Variants in DMD observed in about 807,000 individuals in gnomAD.
DMD encodes the protein mutant dystrophin.
In DMD, 63 loss-of-function variants were observed where a neutral mutation model predicts 330.1. That is an observed-to-expected ratio of 0.19 (90% CI 0.16 to 0.24). DMD has a LOEUF of 0.24. Among genes scored for constraint, DMD ranks in the 10% least tolerant of loss-of-function variants. The pLI, the probability that DMD is intolerant of heterozygous loss-of-function variation, is 1.00. For missense variants in DMD, 3,344 were observed against 2,684.1 expected (o/e 1.25, Z -5.43); for synonymous variants, 1,223 against 959.8 (o/e 1.27, Z -5.07).
intron 7 of DMD, among the ~76,000 whole-genome samples, chrX:32,795,033 C>T (rs1244057793): frequency 8.9e-6 from 1 of 112,071 alleles, no homozygotes; most frequent in East Asian, 2.8e-4. Flanking sequence ...AAAGTCATCC[C>T]ATGTTTATCG....
intron 1 of DMD, among the ~76,000 whole-genome samples, chrX:33,145,708 A>T (rs2148604548): frequency 9.1e-6 from 1 of 109,426 alleles, no homozygotes; most frequent in African/African-American, 3.3e-5. Flanking sequence ...CTGTAAACAA[A>T]TTTTTTAAGT....
rs1298394767 is a variant in DMD, at chrX:32,845,389, T to C, written c.187-529A>G. On this transcript the variant is annotated intron_variant, in intron 3 of 78. Transcript: ENST00000357033. ...CAATCCCAAAAGTTGTATCTTATCC[T>C]GTAATTTTTAAACCAACATCTGCAT... is the stretch of plus-strand genomic sequence containing the variant. Among the ~76,000 whole-genome samples the C allele has an allele frequency of 3.6e-5, 4 of 112,268 alleles. No individual in the cohort carries two copies. The East Asian group carries it at 1.1e-3, about 31-fold the overall frequency.
chrX:32,667,018 C>T (rs1042991171), intron 9 of DMD, among the ~76,000 whole-genome samples: 5 of 109,499 alleles, frequency 4.6e-5, no homozygotes, highest in East Asian at 5.7e-4. Flanking sequence ...ATGGAAACAA[C>T]GTTTAAGTAT....
intron 51 of DMD, among the ~76,000 whole-genome samples, chrX:31,770,221 G>C (rs1414130048): frequency 8.9e-6 from 1 of 112,410 alleles, no homozygotes; most frequent in Non-Finnish European, 1.9e-5. Flanking sequence ...CATCCAGAGA[G>C]CTCTAATTGA....
At chrX:32,184,771 G>T (rs1021292422) in intron 44 of DMD, among the ~76,000 whole-genome samples, 7 of 104,801 alleles carry the variant, frequency 6.7e-5, no homozygotes, top group Non-Finnish European at 1.2e-4. Flanking sequence ...ATTGGGAGAA[G>T]TGGTTAGAAA....
At chrX:33,106,166 G>A (rs1252443159) in intron 1 of DMD, among the ~76,000 whole-genome samples, 1 of 110,750 alleles carries the variant, frequency 9.0e-6, no homozygotes, top group Non-Finnish European at 1.9e-5. Context: ...ATTATTCTAA[G>A]TGAAGTAACT....
chrX:32,146,413 A>G (rs907214472), intron 44 of DMD, among the ~76,000 whole-genome samples: 2 of 111,321 alleles, frequency 1.8e-5, no homozygotes, highest in Admixed American at 1.9e-4. Context: ...GGGTAGATGA[A>G]TAAGTGGATG....
chrX:32,445,956 T>C (rs1447481748), intron 27 of DMD, among the ~76,000 whole-genome samples: 2 of 111,069 alleles, frequency 1.8e-5, no homozygotes, highest in Non-Finnish European at 3.8e-5. Context: ...CACAGGCAGC[T>C]GAAGCGAGAA....
intron 17 of DMD, among the ~76,000 whole-genome samples, chrX:32,535,370 G>A (rs2148901862): frequency 9.0e-6 from 1 of 111,662 alleles, no homozygotes; most frequent in Non-Finnish European, 1.9e-5. Flanking sequence ...GGAGGCAATG[G>A]CAGAATATTG....
intron 12 of DMD, among the ~76,000 whole-genome samples, chrX:32,613,935 A>T (rs1197737900): frequency 9.0e-6 from 1 of 110,816 alleles, no homozygotes; most frequent in Admixed American, 9.6e-5. Context: ...AGATGTTAGC[A>T]TCTGGTGAGG....
Position 31,478,370 on chromosome X carries a change from C to G in DMD, c.8673G>C (p.Leu2891=), listed in dbSNP as rs1032573101. The G allele has an allele frequency of 1.5e-5, 18 of 1,211,729 alleles. No homozygotes were observed. The highest frequency in any genetic ancestry group is 2.0e-5 in the Non-Finnish European group (18 of 895,514). ...CATTCTGGGCTCTCTCCTCAGGAGG[C>G]AGCTCTAAATTGGCAATATGACAAG... ...LEKLYQEPRE[L]PPEERAQNVT... The change falls in exon 59 of 79, where the codon CTG becomes CTC. Residue 2891 remains leucine, a synonymous_variant. Coordinates refer to ENST00000357033, the MANE Select transcript of DMD (RefSeq NM_004006.3).
At chrX:31,866,353 A>T (rs1484793794) in intron 48 of DMD, among the ~76,000 whole-genome samples, 2 of 111,274 alleles carry the variant, frequency 1.8e-5, no homozygotes, top group African/African-American at 6.6e-5. Context: ...TGAAAAAGCT[A>T]ATTGGAAACA....
intron 32 of DMD, among the ~76,000 whole-genome samples, chrX:32,387,537 A>G (rs1310719268): frequency 9.0e-6 from 1 of 111,145 alleles, no homozygotes; most frequent in Admixed American, 9.6e-5. Context: ...TTTTCAGTTT[A>G]AAAGTAATGT....
intron 44 of DMD, among the ~76,000 whole-genome samples, chrX:32,067,364 A>G (rs756040518): frequency 5.4e-5 from 6 of 110,550 alleles, no homozygotes; most frequent in Non-Finnish European, 1.1e-4. Flanking sequence ...TTTTTTTTCA[A>G]CTTTTAAGAT....
chrX:32,162,590 C>CTTT lies in DMD; in HGVS notation c.6438+54323_6438+54325dup, dbSNP rs3040088. Among the ~76,000 whole-genome samples the CTTT allele has an allele frequency of 3.6e-3, 154 of 43,251 alleles. 3 individuals carry two copies. The highest frequency in any genetic ancestry group is 4.5e-3 in the Non-Finnish European group (115 of 25,519). The allele number at this position is 43,251 out of a possible 115,157, so 37.6% of individuals were successfully genotyped here. A position where few individuals can be genotyped will look rare whatever the true frequency, so the allele number is the denominator to read the frequency against. On this transcript the variant is annotated intron_variant, in intron 44 of 78. Transcript: ENST00000357033. ...ACTGACATGAATTTGAAGCAACAAG[C>CTTT]TTTTTTTTTTTTTTTTTTTTTTTTT...
Position 32,042,435 on chromosome X carries a change from C to T in DMD, c.6439-73921G>A, listed in dbSNP as rs2096018334. Among the ~76,000 whole-genome samples, 4 of 109,583 alleles carry T rather than the reference C, an allele frequency of 3.7e-5. No homozygotes were observed. The South Asian group carries it at 1.6e-3, about 44-fold the overall frequency. On this transcript the variant is annotated intron_variant, in intron 44 of 78. Coordinates refer to ENST00000357033, the MANE Select transcript of DMD (RefSeq NM_004006.3). ...GAGTGAGGAGGGAAGGGGGAAGAGCCCTTTATAAAACCATCTGATCTCATG... is the reference window on the plus strand; with the variant it reads ...GAGTGAGGAGGGAAGGGGGAAGAGCTCTTTATAAAACCATCTGATCTCATG...
At chrX:33,054,522 C>T (rs979236655) in intron 1 of DMD, among the ~76,000 whole-genome samples, 2 of 112,153 alleles carry the variant, frequency 1.8e-5, no homozygotes, top group African/African-American at 6.5e-5. Context: ...CCCTCAGCAT[C>T]GAGGACCATG....
intron 42 of DMD, among the ~76,000 whole-genome samples, chrX:32,308,359 C>A (rs2097548484): frequency 9.0e-6 from 1 of 111,299 alleles, no homozygotes; most frequent in Non-Finnish European, 1.9e-5. Context: ...CAAACCTTCC[C>A]AACCAGCAGC....
chrX:32,705,650 C>A (rs2064557197), intron 7 of DMD, among the ~76,000 whole-genome samples: 1 of 111,706 alleles, frequency 9.0e-6, no homozygotes, highest in East Asian at 2.8e-4. Flanking sequence ...GCCGTCTCAA[C>A]TAAAAATATA....
Sources: allele counts gnomAD v4.1 joint callset (sites outside exome capture counted in the v4.1 genomes callset), GRCh38; gene constraint gnomAD v4.1.1; transcripts MANE v1.5; gene names NCBI Gene and HGNC (gene_info 2026-07-23, HGNC 2026-07-21).